The following PTPDC1 variants were observed in gnomAD, a reference collection of about 807,000 sequenced individuals.
PTPDC1 encodes protein tyrosine phosphatase domain-containing protein 1.
Under a neutral mutation model 75.3 loss-of-function variants are expected in PTPDC1, and 53 were observed. The observed-to-expected ratio is 0.70, with a 90% confidence interval of 0.56 to 0.88. The LOEUF (loss-of-function observed/expected upper bound fraction) is 0.88, where lower values mean the gene tolerates loss of function less well. PTPDC1 is among the 40% of genes least tolerant of loss of function. The pLI, the probability that PTPDC1 is intolerant of heterozygous loss-of-function variation, is 0.00. For missense variants in PTPDC1, 925 were observed against 998.6 expected (o/e 0.93, Z 0.99); for synonymous variants, 349 against 366.2 (o/e 0.95, Z 0.54).
Position 94,097,551 on chromosome 9 carries a change from C to G in PTPDC1, c.985C>G (p.His329Asp), listed in dbSNP as rs761391446. Residue 329 changes from histidine (H) to aspartate (D), a missense_variant, in exon 6 of 9, where the codon CAT becomes GAT. Physicochemically the swap from His to Asp is moderately conservative, Grantham distance 81. Coordinates refer to ENST00000620992, the MANE Select transcript of PTPDC1 (RefSeq NM_001253829.2). ...QYLIRQRHLL[H>D]GYEARLLKHV... is the part of the protein sequence containing the mutation. ...TCTAATTCGCCAGCGTCATCTGCTT[C>G]ATGGTTATGAGGCACGACTTCTGAA... The G allele has an allele frequency of 6.2e-7, 1 of 1,614,146 alleles. No individual in the cohort carries two copies. The highest frequency in any genetic ancestry group is 1.7e-5 in the Admixed American group (1 of 60,034).
chr9:94,099,228 T>C (rs1827744939), intron 6 of PTPDC1, among the ~76,000 whole-genome samples: 1 of 152,246 alleles, frequency 6.6e-6, no homozygotes, highest in South Asian at 2.1e-4. Context: ...TTTTTTGTGT[T>C]GTGCTTTTAC....
chr9:94,063,875 A>G (rs535800272), intron 1 of PTPDC1, among the ~76,000 whole-genome samples: 1 of 152,182 alleles, frequency 6.6e-6, no homozygotes, highest in Non-Finnish European at 1.5e-5. Context: ...AAAGTATAAT[A>G]TTTGACCTCC....
At chr9:94,033,112 C>T (rs566665694) in intron 1 of PTPDC1, among the ~76,000 whole-genome samples, 52 of 152,184 alleles carry the variant, frequency 3.4e-4, no homozygotes, top group African/African-American at 1.3e-3. Flanking sequence ...TCTCCCGCCT[C>T]AGCCTCCCAA....
chr9:94,036,990 A>G (rs1262662166), intron 1 of PTPDC1, among the ~76,000 whole-genome samples: 1 of 152,228 alleles, frequency 6.6e-6, no homozygotes, highest in East Asian at 1.9e-4. Flanking sequence ...AGCACTTACT[A>G]TGTGCCAGGC....
chr9:94,037,823 G>C (rs1825318025), intron 1 of PTPDC1, among the ~76,000 whole-genome samples: 1 of 152,156 alleles, frequency 6.6e-6, no homozygotes, highest in Non-Finnish European at 1.5e-5. Flanking sequence ...TATCCAGTCA[G>C]ATATATAGTT....
At position 94,043,265 on chromosome 9, in the gene PTPDC1, T is replaced by C. The variant is rs181425653; in HGVS notation, c.-7+12138T>C. Among the ~76,000 whole-genome samples, 112 of 152,304 alleles carry C rather than the reference T, an allele frequency of 7.4e-4. 4 individuals carry two copies. The East Asian group carries it at 0.02, about 27-fold the overall frequency. ...TTGCTAGTTTTTTTAAAAAATCCAT[T>C]CTAATAGATGTGTAATGGTACGTAT... On this transcript the variant is annotated intron_variant, in intron 1 of 9. Coordinates refer to the PTPDC1 transcript ENST00000375360.
chr9:94,084,922 T>C (rs563084347), intron 1 of PTPDC1, 148 bp downstream of exon 1: 293 of 625,108 alleles, frequency 4.7e-4, no homozygotes, highest in Non-Finnish European at 7.6e-4. Context: ...AGTGAATATA[T>C]AAGAGGATAT....
chr9:94,106,163 T>C (rs1828017557), intron 8 of PTPDC1, among the ~76,000 whole-genome samples: 1 of 152,180 alleles, frequency 6.6e-6, no homozygotes, highest in Non-Finnish European at 1.5e-5. Flanking sequence ...GGGATACGAA[T>C]GAAAAGTTAG....
At chr9:94,082,996 G>A (rs1021452410), upstream of PTPDC1, among the ~76,000 whole-genome samples, 1 of 152,204 alleles carries the variant, frequency 6.6e-6, no homozygotes, top group Non-Finnish European at 1.5e-5. Flanking sequence ...TCCAGGCCAT[G>A]GACTTGTTTC....
intron 1 of PTPDC1, among the ~76,000 whole-genome samples, chr9:94,050,214 C>T (rs151264460): frequency 0.025 from 3,882 of 152,272 alleles, 163 homozygotes; most frequent in African/African-American, 0.089. Context: ...TCTCTCAGCT[C>T]ATCAAAGTCA....
rs537661519 is a variant in PTPDC1 at position 94,044,457 on chromosome 9, C to T, written c.-7+13330C>T. On this transcript the variant is annotated intron_variant, in intron 1 of 9. Transcript: ENST00000375360. ...GTTCTTCCTGATGCTCTTCCTCCCC[C>T]GACCCCCCAACAGGCCCCAGTGTAT... Among the ~76,000 whole-genome samples the T allele has an allele frequency of 1.5e-4, 23 of 152,262 alleles. No individual in the cohort carries two copies. In the South Asian group the frequency reaches 1.9e-3, roughly 12 times the overall value.
At chr9:94,066,298 GA>G (rs946293955) in intron 2 of PTPDC1, among the ~76,000 whole-genome samples, 1 of 152,002 alleles carries the variant, frequency 6.6e-6, no homozygotes, top group Non-Finnish European at 1.5e-5. Context: ...TTTTAATTAG[GA>G]AAAAATCTAG....
intron 1 of PTPDC1, among the ~76,000 whole-genome samples, chr9:94,046,486 G>C (rs562022617): frequency 1.3e-5 from 2 of 152,128 alleles, no homozygotes; most frequent in Non-Finnish European, 2.9e-5. Context: ...AGCATGGAAT[G>C]TTCTTCCATT....
chr9:94,084,597 C>T lies in PTPDC1; in HGVS notation c.67C>T (p.Arg23Cys), dbSNP rs563882588. ...CTTCCTCAGCTCCTTTCTCCAGGGCCGCCGGCACTCCACCTCAGACCCAGT... is the reference window on the plus strand; with the variant it reads ...CTTCCTCAGCTCCTTTCTCCAGGGCTGCCGGCACTCCACCTCAGACCCAGT... ...VRFLSSFLQG[R>C]RHSTSDPVLR... Residue 23 changes from arginine (R) to cysteine (C), a missense_variant, in exon 1 of 9, where the codon CGC (arginine) becomes TGC (cysteine). Arg to Cys is a radical substitution (Grantham distance 180, BLOSUM62 -3). Coordinates refer to ENST00000620992, the MANE Select transcript of PTPDC1 (RefSeq NM_001253829.2). The T allele has an allele frequency of 2.5e-5, 41 of 1,613,674 alleles. No individual in the cohort carries two copies. In the East Asian group the frequency reaches 5.8e-4, roughly 23 times the overall value.
intron 1 of PTPDC1, among the ~76,000 whole-genome samples, chr9:94,055,358 G>T (rs1014267444): frequency 6.6e-6 from 1 of 152,174 alleles, no homozygotes; most frequent in Admixed American, 6.5e-5. Context: ...TTACTCAGAT[G>T]AGCAGAAAAC....
At chr9:94,082,598 A>T (rs796264056), upstream of PTPDC1, among the ~76,000 whole-genome samples, 15 of 152,254 alleles carry the variant, frequency 9.9e-5, no homozygotes, top group Admixed American at 2.6e-4. Context: ...AGGTGGGTAC[A>T]TTTCTTTTCA....
At chr9:94,069,823 C>CTTTTT (rs763640631) in intron 2 of PTPDC1, among the ~76,000 whole-genome samples, 3 of 108,198 alleles carry the variant, frequency 2.8e-5, no homozygotes, top group African/African-American at 3.6e-5. Context: ...CCAATACTTT[C>CTTTTT]TTTTTTTTTT....
intron 1 of PTPDC1, among the ~76,000 whole-genome samples, chr9:94,043,670 G>A (rs765202525): frequency 7.4e-4 from 113 of 152,082 alleles, no homozygotes; most frequent in Non-Finnish European, 1.2e-3. Flanking sequence ...GCAGTGAGCC[G>A]TGATCGCACC....
chr9:94,050,085 C>A (rs978812184), intron 1 of PTPDC1, among the ~76,000 whole-genome samples: 2 of 152,116 alleles, frequency 1.3e-5, no homozygotes, highest in African/African-American at 4.8e-5. Context: ...AAGGACTTAT[C>A]TGCATTGGTT....
Sources: allele counts gnomAD v4.1 joint callset (sites outside exome capture counted in the v4.1 genomes callset), GRCh38; gene constraint gnomAD v4.1.1; transcripts MANE v1.5; gene names NCBI Gene and HGNC (gene_info 2026-07-23, HGNC 2026-07-21).